DNM3: variants seen among roughly 807,000 people sequenced by gnomAD.
DNM3 encodes the protein dynamin-3.
A neutral mutation model predicts 101.6 loss-of-function variants in DNM3; 47 were observed. The observed-to-expected ratio is 0.46, with a 90% CI of 0.37 to 0.59. The LOEUF (loss-of-function observed/expected upper bound fraction) is 0.59. Among genes scored for constraint, DNM3 ranks in the 20% least tolerant of loss-of-function variants. The pLI is 0.00. For missense variants in DNM3, 849 were observed against 1,085.7 expected (o/e 0.78, Z 3.06); for synonymous variants, 385 against 387.9 (o/e 0.99, Z 0.09).
chr1:172,219,465 A>C (rs1233338101), intron 14 of DNM3, among the ~76,000 whole-genome samples: 1 of 151,984 alleles, frequency 6.6e-6, no homozygotes, highest in East Asian at 1.9e-4. Context: ...CTTGATATGA[A>C]ACAGTAAAGT....
intron 13 of DNM3, among the ~76,000 whole-genome samples, chr1:172,109,067 C>T (rs1342673780): frequency 6.6e-6 from 1 of 152,108 alleles, no homozygotes; most frequent in South Asian, 2.1e-4. Flanking sequence ...CCATCTCCAG[C>T]CCCTTTTCTA....
intron 14 of DNM3, among the ~76,000 whole-genome samples, chr1:172,145,726 T>C (rs2057858586): frequency 6.6e-6 from 1 of 152,178 alleles, no homozygotes; most frequent in Non-Finnish European, 1.5e-5. Flanking sequence ...TCGCCTCTGG[T>C]AGATCCATGC....
At chr1:171,999,278 G>A (rs72713741) in intron 4 of DNM3, among the ~76,000 whole-genome samples, 1 of 152,224 alleles carries the variant, frequency 6.6e-6, no homozygotes, top group Non-Finnish European at 1.5e-5. Flanking sequence ...AAGTAGAGCT[G>A]ATAGACTTTA....
chr1:172,300,465 G>GTATTTAGTCAT (rs2064390646), intron 15 of DNM3, among the ~76,000 whole-genome samples: 1 of 152,038 alleles, frequency 6.6e-6, no homozygotes, highest in East Asian at 1.9e-4. Context: ...TTCTTGCCAA[G>GTATTTAGTCAT]ACCAATTCCA....
At chr1:172,346,976 A>T (rs1200194203) in intron 17 of DNM3, among the ~76,000 whole-genome samples, 1 of 152,220 alleles carries the variant, frequency 6.6e-6, no homozygotes. Context: ...ACCAATGTCC[A>T]GAAGAATGCA....
At position 172,355,054 on chromosome 1, in the gene DNM3, T is replaced by A. The variant is rs151233850; in HGVS notation, c.1894-23964T>A. Among the ~76,000 whole-genome samples, 468 of 152,230 alleles carry A rather than the reference T, an allele frequency of 3.1e-3. 1 individual carries two copies. Among genetic ancestry groups the A allele is most frequent in the South Asian group, 0.026 (124 of 4,824 alleles). The stretch of plus-strand genomic sequence containing the variant: ...TTGTATAGGTTCCTCATTCTGTAAT[T>A]TGAGATTCAAATATGTATCACTTAC... On this transcript the variant is annotated intron_variant, in intron 17 of 20. Transcript: ENST00000627582.
chr1:171,959,887 T>G (rs2043104817), intron 2 of DNM3, among the ~76,000 whole-genome samples: 1 of 151,528 alleles, frequency 6.6e-6, no homozygotes, highest in African/African-American at 2.4e-5. Context: ...CCAACTGAAG[T>G]GGGGAGAGGG....
At chr1:172,393,885 C>T (rs962064023) in intron 20 of DNM3, 3 of 152,566 alleles carry the variant, frequency 2.0e-5, no homozygotes, top group Non-Finnish European at 4.4e-5. Flanking sequence ...TAAGGTGTCT[C>T]ATGACATTTG....
At chr1:172,213,547 G>T (rs1158215622) in intron 14 of DNM3, among the ~76,000 whole-genome samples, 2 of 141,918 alleles carry the variant, frequency 1.4e-5, no homozygotes, top group African/African-American at 5.6e-5. Context: ...AAGCCTATTG[G>T]TGGCCGGGCA....
At chr1:171,863,070 C>T (rs1452873823) in intron 1 of DNM3, among the ~76,000 whole-genome samples, 2 of 146,732 alleles carry the variant, frequency 1.4e-5, no homozygotes, top group African/African-American at 2.5e-5. Context: ...AAAGACAATA[C>T]ATAACATTCA....
At position 171,923,793 on chromosome 1, in the gene DNM3, G is replaced by A. The variant is rs950453888; in HGVS notation, c.235+1972G>A. Reference sequence around the variant, plus strand: ...TGAAACTATCACCCAAATAGTAAACGCAGTCCCCAATAGGTAGAATTTCAA... The same window carrying A: ...TGAAACTATCACCCAAATAGTAAACACAGTCCCCAATAGGTAGAATTTCAA... On this transcript the variant is annotated intron_variant, in intron 2 of 20. Coordinates refer to ENST00000627582, the MANE Select transcript of DNM3 (RefSeq NM_015569.5). 2.6e-4 allele frequency among the ~76,000 whole-genome samples: 39 copies of A among 152,122 alleles called. 1 individual carries two copies. Among genetic ancestry groups the A allele is most frequent in the African/African-American group, 6.7e-4 (28 of 41,510 alleles).
intron 14 of DNM3, among the ~76,000 whole-genome samples, chr1:172,188,731 C>T (rs56138708): frequency 0.25 from 38,440 of 151,930 alleles, 5,388 homozygotes; most frequent in Middle Eastern, 0.34. Context: ...GGTAAGACTA[C>T]GTTTAGTTTT....
At chr1:172,185,862 AG>A (rs1328701800) in intron 14 of DNM3, among the ~76,000 whole-genome samples, 2 of 152,126 alleles carry the variant, frequency 1.3e-5, no homozygotes, top group African/African-American at 4.8e-5. Flanking sequence ...GAAATGTCTT[AG>A]GAGCCACATT....
chr1:172,073,227 A>G (rs2052352565), intron 11 of DNM3, among the ~76,000 whole-genome samples: 2 of 151,900 alleles, frequency 1.3e-5, no homozygotes, highest in Admixed American at 6.6e-5. Context: ...GTATGTATAT[A>G]TGTGTGTATT....
chr1:172,030,762 G>A (rs565429815), intron 4 of DNM3, among the ~76,000 whole-genome samples: 9 of 152,116 alleles, frequency 5.9e-5, no homozygotes, highest in Non-Finnish European at 8.8e-5. Flanking sequence ...GACACTTCTC[G>A]AATGAAGACA....
intron 17 of DNM3, among the ~76,000 whole-genome samples, chr1:172,329,987 T>C (rs1259856454): frequency 1.3e-5 from 2 of 152,186 alleles, no homozygotes; most frequent in Non-Finnish European, 2.9e-5. Flanking sequence ...GGTCGTGTGA[T>C]AGGTGGTAAC....
chr1:171,927,052 G>T (rs2040627535), intron 2 of DNM3, among the ~76,000 whole-genome samples: 1 of 152,150 alleles, frequency 6.6e-6, no homozygotes, highest in South Asian at 2.1e-4. Context: ...AACCAGGACA[G>T]CTGGGGAAAG....
At chr1:172,211,381 T>A (rs1287464896) in intron 14 of DNM3, among the ~76,000 whole-genome samples, 1 of 152,124 alleles carries the variant, frequency 6.6e-6, no homozygotes. Context: ...ATCCCTGTCA[T>A]GCTAAAGTCT....
chr1:172,137,234 G>C (rs1277156557), intron 14 of DNM3: 2 of 152,154 alleles, frequency 1.3e-5, no homozygotes, highest in Non-Finnish European at 2.9e-5. Flanking sequence ...TCGATATTCT[G>C]TGAGTAATTT....
Sources: gnomAD v4.1 joint callset for allele counts (sites outside exome capture counted in the v4.1 genomes callset) on GRCh38, gnomAD v4.1.1 for gene constraint, MANE v1.5 for transcripts, NCBI Gene and HGNC (gene_info 2026-07-23, HGNC 2026-07-21) for gene names.